Variants in MCC observed in about 807,000 individuals in gnomAD.
MCC encodes the protein MCC regulator of Wnt signaling pathway, also known as colorectal mutant cancer protein.
Under a neutral mutation model 116.2 loss-of-function variants are expected in MCC, and 90 were observed. The ratio of observed to expected loss-of-function variants is 0.77; its 90% CI spans 0.65 to 0.92. The LOEUF (loss-of-function observed/expected upper bound fraction) is 0.92. Among genes scored for constraint, MCC ranks in the 40% least tolerant of loss-of-function variants. MCC has a pLI of 0.00. For missense variants in MCC, 1,516 were observed against 1,312.2 expected (o/e 1.16, Z -2.40); for synonymous variants, 578 against 510.5 (o/e 1.13, Z -1.78).
chr5:113,261,795 A>G (rs938709946), intron 3 of MCC, among the ~76,000 whole-genome samples: 2 of 151,796 alleles, frequency 1.3e-5, no homozygotes, highest in African/African-American at 4.8e-5. Context: ...TCCTAAAAGC[A>G]CTCTCCGTTT....
chr5:113,110,665 G>T (rs1757035307), intron 6 of MCC, among the ~76,000 whole-genome samples: 1 of 152,216 alleles, frequency 6.6e-6, no homozygotes, highest in South Asian at 2.1e-4. Flanking sequence ...CTTCAAAGCT[G>T]TCTGATAAGA....
chr5:113,403,315 G>C (rs149642536), intron 1 of MCC, among the ~76,000 whole-genome samples: 165 of 152,236 alleles, frequency 1.1e-3, no homozygotes, highest in African/African-American at 3.9e-3. Context: ...GTCTATTTCA[G>C]TATTCGTAAA....
intron 1 of MCC, among the ~76,000 whole-genome samples, chr5:113,424,172 C>T (rs906852898): frequency 1.3e-5 from 2 of 150,936 alleles, no homozygotes; most frequent in Non-Finnish European, 3.0e-5. Flanking sequence ...CACACACACA[C>T]ACACACACAC....
chr5:113,029,728 T>C (rs774327912), intron 17 of MCC, among the ~76,000 whole-genome samples: 36 of 152,322 alleles, frequency 2.4e-4, no homozygotes, highest in Non-Finnish European at 4.4e-4. Context: ...AGTCAGCTCA[T>C]TGCCTTCCTC....
At chr5:113,366,657 A>G (rs1282746740) in intron 2 of MCC, among the ~76,000 whole-genome samples, 1 of 152,218 alleles carries the variant, frequency 6.6e-6, no homozygotes, top group Non-Finnish European at 1.5e-5. Flanking sequence ...TGAGGTTCAG[A>G]CAATAAGTAA....
intron 9 of MCC, among the ~76,000 whole-genome samples, chr5:113,084,877 G>C (rs1016198090): frequency 3.3e-5 from 5 of 152,220 alleles, no homozygotes; most frequent in African/African-American, 1.2e-4. Context: ...AAGTACTGGA[G>C]CACTTGACAA....
intron 8 of MCC, among the ~76,000 whole-genome samples, chr5:113,091,057 C>G (rs148881450): frequency 1.3e-5 from 2 of 152,278 alleles, no homozygotes; most frequent in South Asian, 4.2e-4. Context: ...CTCTGCCTCA[C>G]GCCTGGAGCC....
At chr5:113,465,973 A>G (rs1771891899) in intron 1 of MCC, among the ~76,000 whole-genome samples, 1 of 151,452 alleles carries the variant, frequency 6.6e-6, no homozygotes, top group Non-Finnish European at 1.5e-5. Flanking sequence ...GTCTCGTTCC[A>G]TCGCTCAGGC....
At chr5:113,396,106 T>A (rs957534897) in intron 1 of MCC, among the ~76,000 whole-genome samples, 1 of 152,092 alleles carries the variant, frequency 6.6e-6, no homozygotes, top group African/African-American at 2.4e-5. Context: ...GGCAGGAGGA[T>A]TGCTTGAGCT....
chr5:113,465,940 C>T (rs1771890354), intron 1 of MCC, among the ~76,000 whole-genome samples: 1 of 151,394 alleles, frequency 6.6e-6, no homozygotes, highest in South Asian at 2.1e-4. Context: ...CATTAACCCA[C>T]ATTTTTTTTT....
chr5:113,250,798 C>T (rs1484022050), intron 3 of MCC, among the ~76,000 whole-genome samples: 1 of 152,134 alleles, frequency 6.6e-6, no homozygotes, highest in Non-Finnish European at 1.5e-5. Flanking sequence ...AATTCCACTC[C>T]CTCTACTTCC....
At chr5:113,250,526 C>G (rs1764756121) in intron 3 of MCC, among the ~76,000 whole-genome samples, 1 of 151,818 alleles carries the variant, frequency 6.6e-6, no homozygotes, top group East Asian at 1.9e-4. Context: ...TTCACAGAGA[C>G]ATGTGCCTTT....
At chr5:113,038,419 G>C (rs1751464654) in intron 17 of MCC, among the ~76,000 whole-genome samples, 1 of 152,084 alleles carries the variant, frequency 6.6e-6, no homozygotes, top group African/African-American at 2.4e-5. Context: ...AGGGGAGTTG[G>C]GGGTAGAACC....
At chr5:113,410,474 C>CA (rs1361840272) in intron 1 of MCC, among the ~76,000 whole-genome samples, 2 of 152,066 alleles carry the variant, frequency 1.3e-5, no homozygotes, top group South Asian at 2.1e-4. Context: ...GTTCACGAGT[C>CA]AAAAAAATTA....
intron 3 of MCC, among the ~76,000 whole-genome samples, chr5:113,336,164 C>T (rs573173006): frequency 1.3e-5 from 2 of 151,454 alleles, no homozygotes; most frequent in East Asian, 3.9e-4. Flanking sequence ...CCAATCCCAC[C>T]CATGAGGGTG....
At chr5:113,192,657 T>G (rs139469834) in intron 3 of MCC, among the ~76,000 whole-genome samples, 188 of 152,344 alleles carry the variant, frequency 1.2e-3, no homozygotes, top group Admixed American at 0.01. Flanking sequence ...TACACCTCCT[T>G]TTCCATAAGT....
chr5:113,426,164 C>A (rs2040217807), intron 1 of MCC, among the ~76,000 whole-genome samples: 1 of 152,030 alleles, frequency 6.6e-6, no homozygotes, highest in Non-Finnish European at 1.5e-5. Flanking sequence ...TGTCTGGATG[C>A]CAATGCAAGC....
chr5:113,371,417 C>T (rs531321455), intron 2 of MCC, among the ~76,000 whole-genome samples: 1 of 152,066 alleles, frequency 6.6e-6, no homozygotes. Context: ...TCTTGTAATT[C>T]AAGGGCAAAA....
rs753614136 is a variant in MCC at position 113,488,430 on chromosome 5, T to C, written c.-16A>G. On this transcript the variant is annotated 5_prime_UTR_variant, in exon 1 of 19. Coordinates refer to ENST00000408903, the MANE Select transcript of MCC (RefSeq NM_001085377.2). ...CCGCCATCATGCGCCCGCTCCCTAC[T>C]TGGGAGGAGGAGTACGCGCGACCGC... 1.4e-6 allele frequency: 2 copies of C among 1,402,038 alleles called. No individual in the cohort carries two copies. The highest frequency in any genetic ancestry group is 3.4e-5 in the Admixed American group (1 of 29,242). The allele number at this position is 1,402,038 out of a possible 1,614,324, so 86.8% of individuals were successfully genotyped here.
Sources: gnomAD v4.1 joint callset for allele counts (sites outside exome capture counted in the v4.1 genomes callset) on GRCh38, gnomAD v4.1.1 for gene constraint, MANE v1.5 for transcripts, NCBI Gene and HGNC (gene_info 2026-07-23, HGNC 2026-07-21) for gene names.